USP40: variants seen among roughly 807,000 people sequenced by gnomAD.
The protein encoded by USP40 is ubiquitin carboxyl-terminal hydrolase 40.
USP40 carries 143 observed loss-of-function variants against 166.2 expected under a neutral mutation model. That is an observed-to-expected ratio of 0.86 (90% CI 0.75 to 0.99). The LOEUF (loss-of-function observed/expected upper bound fraction) is 0.99. Among genes scored for constraint, USP40 ranks in the 50% least tolerant of loss-of-function variants. The pLI, the probability that USP40 is intolerant of heterozygous loss-of-function variation, is 0.00. For synonymous variants in USP40, 498 were observed against 524.0 expected, an observed-to-expected ratio of 0.95 and a Z score of 0.68; for missense variants, 1,444 against 1,479.7, an observed-to-expected ratio of 0.98 and a Z score of 0.40.
At chr2:233,566,651 C>G in intron 1 of USP40, 33 bp downstream of exon 1, 1 of 979,622 alleles carries the variant, frequency 1.0e-6, no homozygotes, top group Non-Finnish European at 1.2e-6. Flanking sequence ...TCCCACGTCC[C>G]TCCCAGGATC....
Position 233,535,156 on chromosome 2 carries a change from G to A in USP40, c.1171-1377C>T, listed in dbSNP as rs139468401. Among the ~76,000 whole-genome samples, 69 of 152,258 alleles carry A rather than the reference G, an allele frequency of 4.5e-4. 1 individual carries two copies. Among genetic ancestry groups the A allele is most frequent in the African/African-American group, 1.6e-3 (68 of 41,550 alleles). ...ACCAGAGAGGCGAGATCCCACGAAG[G>A]AGCCCCAATTCTGTAACAAATCCCC... On this transcript the variant is annotated intron_variant, in intron 10 of 31. Coordinates refer to ENST00000678225, the MANE Select transcript of USP40 (RefSeq NM_001365479.2).
intron 2 of USP40, 101 bp from the exon 3 acceptor site, chr2:233,562,904 C>G: frequency 7.3e-6 from 6 of 822,392 alleles, no homozygotes; most frequent in Non-Finnish European, 1.1e-5. Context: ...CAAGTAGATT[C>G]AGAAATATGA....
chr2:233,508,172 A>G (rs1278622110), intron 21 of USP40, among the ~76,000 whole-genome samples: 4 of 152,198 alleles, frequency 2.6e-5, no homozygotes, highest in Non-Finnish European at 5.9e-5. Flanking sequence ...TATTTTTAAA[A>G]ACCTAAAATG....
intron 2 of USP40, 100 bp downstream of exon 2, chr2:233,565,256 A>G (rs1411032545): frequency 7.6e-6 from 7 of 924,580 alleles, no homozygotes; most frequent in East Asian, 5.3e-5. Context: ...ACTGTAGAAT[A>G]TATCTTTAAG....
At chr2:233,497,769 T>G (rs1322557703) in intron 23 of USP40, among the ~76,000 whole-genome samples, 1 of 152,236 alleles carries the variant, frequency 6.6e-6, no homozygotes, top group African/African-American at 2.4e-5. Flanking sequence ...CTCCAGGCAG[T>G]CAAACTCCTG....
chr2:233,524,595 A>G (rs1444220747), intron 14 of USP40, 33 bp from the exon 15 acceptor site: 3 of 1,508,262 alleles, frequency 2.0e-6, no homozygotes, highest in Non-Finnish European at 1.8e-6. Flanking sequence ...ACCATTCATC[A>G]TGACCATCAG....
At chr2:233,529,067 T>C (rs2068283425) in intron 12 of USP40, among the ~76,000 whole-genome samples, 1 of 152,208 alleles carries the variant, frequency 6.6e-6, no homozygotes, top group Non-Finnish European at 1.5e-5. Flanking sequence ...TACAACTACT[T>C]ACCTATGAGG....
At chr2:233,492,705 A>G (rs897615159) in intron 25 of USP40, 1 of 152,226 alleles carries the variant, frequency 6.6e-6, no homozygotes, top group Non-Finnish European at 1.5e-5. Context: ...TGAAAAGATT[A>G]AAAAGAAATA....
intron 22 of USP40, 68 bp from the exon 23 acceptor site, chr2:233,498,680 G>A: frequency 7.5e-7 from 1 of 1,338,804 alleles, no homozygotes; most frequent in Non-Finnish European, 1.1e-6. Flanking sequence ...GTAACTTCTA[G>A]AAGAATGTCT....
intron 21 of USP40, among the ~76,000 whole-genome samples, chr2:233,500,494 C>T (rs1337410456): frequency 6.6e-6 from 1 of 152,034 alleles, no homozygotes; most frequent in African/African-American, 2.4e-5. Flanking sequence ...AAAAACATTG[C>T]TAATTAAATC....
chr2:233,526,168 T>C (rs1055989003), intron 13 of USP40, among the ~76,000 whole-genome samples: 8 of 152,212 alleles, frequency 5.3e-5, no homozygotes, highest in African/African-American at 1.9e-4. Flanking sequence ...GGTATTTTCT[T>C]AAAAAGAAAC....
Position 233,528,884 on chromosome 2 carries a change from C to T in USP40, c.1553+547G>A, listed in dbSNP as rs1041428393. 9.2e-5 allele frequency among the ~76,000 whole-genome samples: 14 copies of T among 152,136 alleles called. No homozygotes were observed. In the East Asian group the frequency reaches 1.3e-3, roughly 15 times the overall value. On this transcript the variant is annotated intron_variant, in intron 12 of 31. Coordinates refer to ENST00000678225, the MANE Select transcript of USP40 (RefSeq NM_001365479.2). ...GCAGTTCAGAGTCAAAGGTGAGGCC[C>T]CAAAAGAGAATGCTGAGATCATAAA...
intron 25 of USP40, among the ~76,000 whole-genome samples, chr2:233,491,804 T>C (rs1465651936): frequency 6.6e-6 from 1 of 152,208 alleles, no homozygotes; most frequent in Non-Finnish European, 1.5e-5. Context: ...AGAAGGCCTT[T>C]CCAAGTTTGT....
At chr2:233,488,139 A>G in intron 28 of USP40, 100 bp downstream of exon 28, 1 of 940,818 alleles carries the variant, frequency 1.1e-6, no homozygotes, top group Non-Finnish European at 1.7e-6. Context: ...ACTTAGAAGC[A>G]GTGAAAAAAA....
intron 26 of USP40, among the ~76,000 whole-genome samples, chr2:233,490,390 C>T (rs1406290126): frequency 2.0e-5 from 3 of 151,624 alleles, no homozygotes; most frequent in Non-Finnish European, 4.4e-5. Flanking sequence ...CAGGTTGGTC[C>T]CAAACTCCTG....
intron 14 of USP40, 96 bp from the exon 15 acceptor site, chr2:233,524,658 T>C (rs2067893063): frequency 1.1e-6 from 1 of 906,560 alleles, no homozygotes; most frequent in South Asian, 2.4e-5. Context: ...GAAAAAGTAT[T>C]TTCACTAAGG....
rs1478176557 is a variant in USP40 at position 233,562,723 on chromosome 2, AT to A, written c.267+12del. ...TAAAACTTAAAGTATAATAATAATA[AT>A]AATAAAAATACCTTTGCATCGGGTT... On this transcript the variant is annotated intron_variant, in intron 3 of 31. Transcript: ENST00000678225. 1 of 1,490,140 alleles carries A rather than the reference AT, an allele frequency of 6.7e-7. No individual in the cohort carries two copies. Among genetic ancestry groups the A allele is most frequent in the Non-Finnish European group, 9.0e-7 (1 of 1,114,402 alleles). 92.3% of individuals were successfully genotyped at this position (1,490,140 alleles called of 1,614,324 possible). A position where few individuals can be genotyped will look rare whatever the true frequency, so the allele number is the denominator to read the frequency against.
rs964513659 is a variant in USP40, at chr2:233,561,084, C to T, written c.268-1160G>A. The T allele has an allele frequency of 6.9e-6, 10 of 1,439,636 alleles. No individual in the cohort carries two copies. In the South Asian group the frequency reaches 1.2e-4, roughly 18 times the overall value. 89.2% of individuals were successfully genotyped at this position (1,439,636 alleles called of 1,614,324 possible). On this transcript the variant is annotated intron_variant, in intron 3 of 31. Coordinates refer to ENST00000678225, the MANE Select transcript of USP40 (RefSeq NM_001365479.2). ...ATTAATAAAATTATTGCTTTGTGAA[C>T]AAGCCACTTAATTCCTTCTTTAAAA...
At chr2:233,481,473 G>T (rs1345976678) in intron 30 of USP40, 176 bp from the exon 31 acceptor site, 4 of 611,444 alleles carry the variant, frequency 6.5e-6, no homozygotes, top group Non-Finnish European at 1.1e-5. Context: ...AAACTCGGGG[G>T]TGGCAAGAAG....
Sources: allele counts gnomAD v4.1 joint callset (sites outside exome capture counted in the v4.1 genomes callset), GRCh38; gene constraint gnomAD v4.1.1; transcripts MANE v1.5; gene names NCBI Gene and HGNC (gene_info 2026-07-23, HGNC 2026-07-21).